Variants in MYO10 observed in about 807,000 individuals in gnomAD.
MYO10 encodes the protein myosin X.
In MYO10, 133 loss-of-function variants were observed where a neutral mutation model predicts 257.3. The ratio of observed to expected loss-of-function variants is 0.52; its 90% CI spans 0.45 to 0.60. MYO10 has a LOEUF of 0.60. MYO10 is among the 20% of genes least tolerant of loss of function. The probability of loss-of-function intolerance (pLI) is 0.00; values close to 1 mark genes in which losing one functional copy is unlikely to be tolerated. For synonymous variants in MYO10, 1,104 were observed against 1,028.6 expected (o/e 1.07, Z -1.40); for missense variants, 2,399 against 2,635.7 (o/e 0.91, Z 1.97).
chr5:16,891,367 GGAAGGAAGGAA>G (rs1745050126), intron 1 of MYO10, among the ~76,000 whole-genome samples: 1 of 96,466 alleles, frequency 1.0e-5, no homozygotes, highest in African/African-American at 4.5e-5. Flanking sequence ...AAGGAAGGAA[GGAAGGAAGGAA>G]GGAGAGAGAG....
At chr5:16,694,641 G>A (rs1388559422) in intron 26 of MYO10, 27 bp from the exon 27 acceptor site, 1 of 1,610,554 alleles carries the variant, frequency 6.2e-7, no homozygotes, top group African/African-American at 1.3e-5. Context: ...TGGGTAGAGA[G>A]GGGTGAAAGA....
At chr5:16,902,403 A>T (rs2560842) in intron 1 of MYO10, 614,162 of 1,241,918 alleles carry the variant, frequency 0.49, 155,806 homozygotes, top group African/African-American at 0.72. Context: ...TACTTTGCTG[A>T]GAACTGCACA....
intron 4 of MYO10, among the ~76,000 whole-genome samples, chr5:16,787,396 C>A (rs1289916343): frequency 1.3e-5 from 2 of 152,076 alleles, no homozygotes; most frequent in Non-Finnish European, 2.9e-5. Flanking sequence ...TCCCGAGATA[C>A]TAATGTCAAG....
chr5:16,800,011 A>T (rs1742076078), intron 3 of MYO10, among the ~76,000 whole-genome samples: 2 of 152,310 alleles, frequency 1.3e-5, no homozygotes, highest in Admixed American at 1.3e-4. Context: ...TGTGAAACAG[A>T]ACACTTTACC....
At chr5:16,863,636 A>C (rs1334587589) in intron 2 of MYO10, among the ~76,000 whole-genome samples, 1 of 152,242 alleles carries the variant, frequency 6.6e-6, no homozygotes, top group Non-Finnish European at 1.5e-5. Context: ...ATACTTTAAA[A>C]TAAGATTCTG....
At chr5:16,722,618 G>A (rs1739193984) in intron 19 of MYO10, among the ~76,000 whole-genome samples, 1 of 152,226 alleles carries the variant, frequency 6.6e-6, no homozygotes. Flanking sequence ...AATGGTGCTA[G>A]AATAATTGGA....
chr5:16,752,074 T>C (rs1301015024), intron 19 of MYO10, among the ~76,000 whole-genome samples: 1 of 152,192 alleles, frequency 6.6e-6, no homozygotes, highest in Non-Finnish European at 1.5e-5. Flanking sequence ...AAACTAACTC[T>C]GTGCCATCCA....
intron 18 of MYO10, among the ~76,000 whole-genome samples, chr5:16,757,530 T>C (rs1310075007): frequency 6.6e-6 from 1 of 152,134 alleles, no homozygotes; most frequent in East Asian, 1.9e-4. Flanking sequence ...AGTCTCTAAA[T>C]ACAAATCAGA....
At chr5:16,912,181 GAT>G (rs1208286364) in intron 1 of MYO10, among the ~76,000 whole-genome samples, 2 of 152,180 alleles carry the variant, frequency 1.3e-5, no homozygotes, top group Admixed American at 1.3e-4. Flanking sequence ...TGGACACCCT[GAT>G]CTAAAGACTT....
intron 2 of MYO10, among the ~76,000 whole-genome samples, chr5:16,828,080 C>T (rs1743053287): frequency 1.3e-5 from 2 of 152,116 alleles, no homozygotes; most frequent in South Asian, 4.1e-4. Context: ...GCACATTCCT[C>T]ACCCTGAATT....
rs1207041919 is a variant in MYO10, at chr5:16,670,718, G to A, written c.5691C>T (p.Ser1897=). ...GTLRRSFRTG[S]VVRQKVEEEQ... ...CCTCCTCGACCTTCTGCCGGACCAC[G>A]GATCCTGTCCGGAAGCTCCGCCTCA... is the stretch of plus-strand genomic sequence containing the variant. Residue 1897 remains serine, a synonymous_variant, in exon 39 of 41, where the codon TCC becomes TCT. Coordinates refer to ENST00000513610, the MANE Select transcript of MYO10 (RefSeq NM_012334.3). The A allele has an allele frequency of 8.1e-6, 13 of 1,613,920 alleles. No homozygotes were observed. The highest frequency in any genetic ancestry group is 5.5e-5 in the South Asian group (5 of 91,090).
intron 31 of MYO10, 61 bp from the exon 32 acceptor site, chr5:16,681,564 A>C (rs928469393): frequency 6.8e-7 from 1 of 1,463,664 alleles, no homozygotes; most frequent in Non-Finnish European, 9.3e-7. Flanking sequence ...AAGACCACAC[A>C]ATCATCTGCA....
chr5:16,741,624 T>A (rs1740020852), intron 19 of MYO10, among the ~76,000 whole-genome samples: 1 of 152,136 alleles, frequency 6.6e-6, no homozygotes, highest in East Asian at 1.9e-4. Flanking sequence ...CAAAAAAAAA[T>A]TTGTAGTTCA....
At chr5:16,696,148 TTAATC>T (rs1737737206) in intron 26 of MYO10, among the ~76,000 whole-genome samples, 1 of 152,234 alleles carries the variant, frequency 6.6e-6, no homozygotes, top group South Asian at 2.1e-4. Flanking sequence ...ATTAGTTTAT[TTAATC>T]TAATTGATTA....
chr5:16,861,972 T>C (rs369197983), intron 2 of MYO10, among the ~76,000 whole-genome samples: 2 of 152,100 alleles, frequency 1.3e-5, no homozygotes, highest in East Asian at 1.9e-4. Context: ...GACAAACAGA[T>C]TGGCATGTAC....
chr5:16,679,825 A>G, intron 33 of MYO10, 122 bp downstream of exon 33: 3 of 1,341,600 alleles, frequency 2.2e-6, no homozygotes, highest in Non-Finnish European at 3.0e-6. Flanking sequence ...GTGCCGGCCA[A>G]CCAAGCACTA....
chr5:16,761,126 G>C (rs1740701227), intron 17 of MYO10, among the ~76,000 whole-genome samples: 1 of 152,038 alleles, frequency 6.6e-6, no homozygotes, highest in South Asian at 2.1e-4. Context: ...AAGTAGCTGG[G>C]ATTACAGGTG....
In MYO10 at chr5:16,681,205, G is replaced by T. The variant is rs1006813526; in HGVS notation, c.4384+104C>A. On this transcript the variant is annotated intron_variant, in intron 32 of 40. Transcript: ENST00000513610. ...ATAAACCAAGAGGACAACTTCTTTG[G>T]GGGGAAATAAAGTACACACTAGGAA... 5.6e-6 allele frequency: 7 copies of T among 1,241,870 alleles called. No individual in the cohort carries two copies. The Admixed American group carries it at 1.6e-4, about 29-fold the overall frequency. The allele number at this position is 1,241,870 out of a possible 1,614,324, so 76.9% of individuals were successfully genotyped here.
intron 2 of MYO10, 28 bp downstream of exon 2, chr5:16,877,581 T>C (rs1744641540): frequency 4.5e-6 from 7 of 1,568,160 alleles, no homozygotes; most frequent in African/African-American, 2.7e-5. Flanking sequence ...ACCATGGATG[T>C]TGGGAAGCTG....
Sources: allele counts gnomAD v4.1 joint callset (sites outside exome capture counted in the v4.1 genomes callset), GRCh38; gene constraint gnomAD v4.1.1; transcripts MANE v1.5; gene names NCBI Gene and HGNC (gene_info 2026-07-23, HGNC 2026-07-21).